CD247: variants seen among roughly 807,000 people sequenced by gnomAD.
The protein encoded by CD247 is T-cell surface glycoprotein CD3 zeta chain.
A neutral mutation model predicts 30.0 loss-of-function variants in CD247; 13 were observed. The observed-to-expected ratio is 0.43, with a 90% CI of 0.28 to 0.69. The LOEUF (loss-of-function observed/expected upper bound fraction) is 0.69. Among genes scored for constraint, CD247 ranks in the 30% least tolerant of loss-of-function variants. CD247 has a pLI of 0.16. For missense variants in CD247, 193 were observed against 212.6 expected (o/e 0.91, Z 0.57); for synonymous variants, 72 against 80.0 (o/e 0.90, Z 0.53).
At chr1:167,433,565 AACT>A (rs1651378573) in intron 6 of CD247, among the ~76,000 whole-genome samples, 1 of 152,206 alleles carries the variant, frequency 6.6e-6, no homozygotes, top group South Asian at 2.1e-4. Flanking sequence ...AATTAAATAA[AACT>A]ACAGAGAACC....
At chr1:167,501,350 C>T (rs1393423063) in intron 1 of CD247, among the ~76,000 whole-genome samples, 3 of 152,270 alleles carry the variant, frequency 2.0e-5, no homozygotes, top group Admixed American at 6.5e-5. Flanking sequence ...TAAGCCACTG[C>T]GCCCGGCCTC....
intron 7 of CD247, 99 bp from the exon 8 acceptor site, chr1:167,431,845 G>A (rs1263689669): frequency 2.0e-6 from 2 of 1,007,996 alleles, no homozygotes; most frequent in Admixed American, 1.7e-5. Flanking sequence ...GCACAGCCCT[G>A]TGACCACCCA....
chr1:167,478,916 G>A (rs1264580934), intron 1 of CD247, among the ~76,000 whole-genome samples: 4 of 152,056 alleles, frequency 2.6e-5, no homozygotes, highest in Admixed American at 1.3e-4. Flanking sequence ...TATTCACAGT[G>A]GTAATTTCTG....
Position 167,494,039 on chromosome 1 carries a change from G to T in CD247, c.58+24369C>A, listed in dbSNP as rs1028190180. ...TTCTTCTCAGGGCTCTGCTGAGTTG[G>T]GTGGGGGAGGCTGGAGGCTGCAAAA... On this transcript the variant is annotated intron_variant, in intron 1 of 7. Coordinates refer to ENST00000362089, the MANE Select transcript of CD247 (RefSeq NM_198053.3). The surrounding 1 kb of genome is among the most constrained non-coding windows in gnomAD (Gnocchi z 7.3). Among the ~76,000 whole-genome samples, 2 of 151,768 alleles carry T rather than the reference G, an allele frequency of 1.3e-5. No individual in the cohort carries two copies. Among genetic ancestry groups the T allele is most frequent in the African/African-American group, 2.4e-5 (1 of 41,074 alleles).
chr1:167,518,087 C>T (rs1230234717), intron 1 of CD247, among the ~76,000 whole-genome samples: 1 of 152,154 alleles, frequency 6.6e-6, no homozygotes, highest in South Asian at 2.1e-4. Context: ...TGAAACACTC[C>T]CTCTCCGTTT....
At chr1:167,453,335 T>C (rs1048070013) in intron 1 of CD247, among the ~76,000 whole-genome samples, 1 of 152,188 alleles carries the variant, frequency 6.6e-6, no homozygotes, top group Non-Finnish European at 1.5e-5. Flanking sequence ...AAACAGCTCA[T>C]GTGTCAGAGC....
At chr1:167,512,554 G>T (rs1204559268) in intron 1 of CD247, among the ~76,000 whole-genome samples, 1 of 152,156 alleles carries the variant, frequency 6.6e-6, no homozygotes, top group Non-Finnish European at 1.5e-5. Flanking sequence ...AGAAATTTCT[G>T]CCCAAGTATA....
At chr1:167,495,508 C>T (rs1253863429) in intron 1 of CD247, among the ~76,000 whole-genome samples, 1 of 152,188 alleles carries the variant, frequency 6.6e-6, no homozygotes, top group South Asian at 2.1e-4. Flanking sequence ...CTAAGTAATG[C>T]CTACTTCTGC....
At chr1:167,467,060 G>A (rs371234473) in intron 1 of CD247, among the ~76,000 whole-genome samples, 1 of 151,968 alleles carries the variant, frequency 6.6e-6, no homozygotes, top group African/African-American at 2.4e-5. Context: ...GGATGGTCTC[G>A]ATTTCCTGAC....
intron 1 of CD247, among the ~76,000 whole-genome samples, chr1:167,482,470 G>T (rs891549163): frequency 2.0e-5 from 3 of 152,192 alleles, no homozygotes; most frequent in African/African-American, 7.2e-5. Context: ...TTTCCTCTCT[G>T]GGTGTCTTCC....
intron 1 of CD247, among the ~76,000 whole-genome samples, chr1:167,500,361 C>T (rs917945406): frequency 3.9e-5 from 6 of 152,218 alleles, no homozygotes; most frequent in African/African-American, 1.4e-4. Flanking sequence ...CTATTTTCAT[C>T]TTTCCTTAAC....
intron 1 of CD247, among the ~76,000 whole-genome samples, chr1:167,515,155 T>C (rs1655548272): frequency 6.6e-6 from 1 of 152,194 alleles, no homozygotes; most frequent in African/African-American, 2.4e-5. Flanking sequence ...CGAAACAATC[T>C]GATGGTGAAA....
chr1:167,464,616 T>A (rs898630563), intron 1 of CD247, among the ~76,000 whole-genome samples: 1 of 152,216 alleles, frequency 6.6e-6, no homozygotes, highest in Non-Finnish European at 1.5e-5. Context: ...AAGCTATTTT[T>A]ATCTTTCTCA....
At chr1:167,441,178 G>A (rs1210526729) in intron 1 of CD247, among the ~76,000 whole-genome samples, 2 of 152,200 alleles carry the variant, frequency 1.3e-5, no homozygotes, top group Non-Finnish European at 2.9e-5. Flanking sequence ...TGAGGTGTGT[G>A]GCTCTGAGGC....
intron 1 of CD247, among the ~76,000 whole-genome samples, chr1:167,445,173 G>A (rs574153753): frequency 2.2e-4 from 33 of 152,192 alleles, no homozygotes; most frequent in African/African-American, 7.7e-4. Context: ...TGATCTGCCC[G>A]CCTCGGCCTC....
chr1:167,437,608 A>G (rs937840748), intron 4 of CD247, among the ~76,000 whole-genome samples: 1 of 152,202 alleles, frequency 6.6e-6, no homozygotes, highest in Non-Finnish European at 1.5e-5. Context: ...GAAATCAGCC[A>G]GGCACAGAAA....
intron 1 of CD247, among the ~76,000 whole-genome samples, chr1:167,443,648 A>G (rs1191198844): frequency 1.3e-5 from 2 of 152,294 alleles, no homozygotes; most frequent in East Asian, 3.9e-4. Context: ...TGTTGTGCAG[A>G]CTCAGCACAA....
intron 1 of CD247, among the ~76,000 whole-genome samples, chr1:167,502,097 G>A (rs1654936226): frequency 6.6e-6 from 1 of 152,170 alleles, no homozygotes; most frequent in Non-Finnish European, 1.5e-5. Flanking sequence ...TCTCCGTCTG[G>A]GCCAGTCATC....
At chr1:167,512,741 C>A (rs1655442040) in intron 1 of CD247, among the ~76,000 whole-genome samples, 1 of 152,202 alleles carries the variant, frequency 6.6e-6, no homozygotes. Flanking sequence ...GATCTCCACT[C>A]CACAGTCCCC....
Sources: gnomAD v4.1 joint callset for allele counts (sites outside exome capture counted in the v4.1 genomes callset) on GRCh38, gnomAD v4.1.1 for gene constraint, Gnocchi (gnomAD v3.1) non-coding constraint, MANE v1.5 for transcripts, NCBI Gene and HGNC (gene_info 2026-07-23, HGNC 2026-07-21) for gene names.